TACR3: variants seen among roughly 807,000 people sequenced by gnomAD.
TACR3 encodes the protein neuromedin-K receptor.
A neutral mutation model predicts 35.0 loss-of-function variants in TACR3; 34 were observed. The observed-to-expected ratio is 0.97, with a 90% CI of 0.74 to 1.30. TACR3 has a LOEUF of 1.30. Among genes scored for constraint, TACR3 ranks in the 50% most tolerant of loss-of-function variants. TACR3 has a pLI of 0.00. For missense variants in TACR3, 558 were observed against 591.7 expected (o/e 0.94, Z 0.59); for synonymous variants, 233 against 221.1 (o/e 1.05, Z -0.48).
intron 3 of TACR3, among the ~76,000 whole-genome samples, chr4:103,629,862 A>AAAAAAAAAAAAAAAAAAAAAAC (rs1725011576): frequency 3.6e-5 from 4 of 111,550 alleles, no homozygotes; most frequent in South Asian, 2.8e-4. Flanking sequence ...AAAAAAAAAC[A>AAAAAAAAAAAAAAAAAAAAAAC]AAAAAAAAAC....
intron 1 of TACR3, among the ~76,000 whole-genome samples, chr4:103,705,601 C>T (rs1305381999): frequency 1.3e-5 from 2 of 152,038 alleles, no homozygotes; most frequent in Non-Finnish European, 2.9e-5. Flanking sequence ...TTGTCATGTG[C>T]TATGGGAATC....
intron 1 of TACR3, among the ~76,000 whole-genome samples, chr4:103,688,838 T>G (rs917038734): frequency 2.0e-5 from 3 of 152,192 alleles, no homozygotes; most frequent in African/African-American, 7.2e-5. Flanking sequence ...GAAGGCAGTG[T>G]GGCGATTCCT....
intron 1 of TACR3, among the ~76,000 whole-genome samples, chr4:103,689,834 A>T (rs937470067): frequency 1.4e-4 from 21 of 152,178 alleles, no homozygotes; most frequent in Middle Eastern, 3.2e-3. Context: ...ATCCACAAAT[A>T]TCAAAAGCTC....
intron 3 of TACR3, among the ~76,000 whole-genome samples, chr4:103,594,679 A>G (rs1328833166): frequency 6.6e-6 from 1 of 152,198 alleles, no homozygotes; most frequent in East Asian, 1.9e-4. Context: ...TTTTAGATAA[A>G]TTTCAATTTT....
chr4:103,601,987 A>C (rs1022727764), intron 3 of TACR3, among the ~76,000 whole-genome samples: 1 of 152,188 alleles, frequency 6.6e-6, no homozygotes, highest in African/African-American at 2.4e-5. Flanking sequence ...GTGTTTTCCA[A>C]CTTGGTTCCA....
At chr4:103,648,432 A>G (rs1725505462) in intron 3 of TACR3, among the ~76,000 whole-genome samples, 1 of 147,066 alleles carries the variant, frequency 6.8e-6, no homozygotes, top group African/African-American at 2.5e-5. Context: ...CTTCACCCCT[A>G]CTTTCCCACT....
In TACR3 at chr4:103,591,353, C is replaced by CTTTAT. The variant is rs574841564; in HGVS notation, c.1085+133_1085+134insATAAA. 1.6e-4 allele frequency: 154 copies of CTTTAT among 979,600 alleles called. No homozygotes were observed. The African/African-American group carries it at 2.1e-3, about 13-fold the overall frequency. 60.7% of individuals were successfully genotyped at this position (979,600 alleles called of 1,614,324 possible). A position where few individuals can be genotyped will look rare whatever the true frequency, so the allele number is the denominator to read the frequency against. ...GGGGTCTTGAAAGATAAAGCCTGTG[C>CTTTAT]CTCTCTCAGTGAATTCTTAAATTTT... On this transcript the variant is annotated intron_variant, in intron 4 of 4. Transcript: ENST00000304883.
intron 1 of TACR3, among the ~76,000 whole-genome samples, chr4:103,703,236 A>G (rs115204606): frequency 0.013 from 1,927 of 152,300 alleles, 42 homozygotes; most frequent in African/African-American, 0.044. Flanking sequence ...GGTAAAATAT[A>G]TATAACATAA....
chr4:103,677,971 A>G (rs72947152), intron 1 of TACR3, among the ~76,000 whole-genome samples: 113 of 152,246 alleles, frequency 7.4e-4, no homozygotes, highest in African/African-American at 2.7e-3. Context: ...ATGAGGATTA[A>G]ATAAAACTTT....
intron 1 of TACR3, among the ~76,000 whole-genome samples, chr4:103,671,122 G>A (rs1276534471): frequency 6.6e-6 from 1 of 151,922 alleles, no homozygotes; most frequent in Non-Finnish European, 1.5e-5. Flanking sequence ...TTATGGATTT[G>A]ATGTGAATCT....
intron 3 of TACR3, among the ~76,000 whole-genome samples, chr4:103,651,249 T>G (rs1241698995): frequency 6.6e-6 from 1 of 151,216 alleles, no homozygotes; most frequent in East Asian, 2.0e-4. Flanking sequence ...TCAAAAACCT[T>G]AGAAGTCTAC....
intron 3 of TACR3, among the ~76,000 whole-genome samples, chr4:103,635,898 T>C (rs1355870770): frequency 6.6e-6 from 1 of 151,962 alleles, no homozygotes; most frequent in Non-Finnish European, 1.5e-5. Flanking sequence ...CTTTCCATTG[T>C]ATTGTAAACT....
intron 3 of TACR3, among the ~76,000 whole-genome samples, chr4:103,592,906 G>A (rs1723925569): frequency 1.3e-5 from 2 of 152,116 alleles, no homozygotes; most frequent in Non-Finnish European, 2.9e-5. Flanking sequence ...CCAAATCACT[G>A]TACCATCCAG....
chr4:103,705,294 C>A (rs900302168), intron 1 of TACR3, among the ~76,000 whole-genome samples: 1 of 151,836 alleles, frequency 6.6e-6, no homozygotes, highest in Admixed American at 6.6e-5. Flanking sequence ...TGTAAAAATG[C>A]CTGTTTCATT....
intron 1 of TACR3, among the ~76,000 whole-genome samples, chr4:103,706,714 T>C (rs932042689): frequency 1.3e-5 from 2 of 152,194 alleles, no homozygotes; most frequent in African/African-American, 4.8e-5. Flanking sequence ...AATTTAACTT[T>C]CTAATACTTA....
intron 1 of TACR3, among the ~76,000 whole-genome samples, chr4:103,675,475 A>G (rs1726148435): frequency 6.6e-6 from 1 of 152,216 alleles, no homozygotes; most frequent in African/African-American, 2.4e-5. Context: ...CAAACTGAAG[A>G]GAGTTTAATG....
chr4:103,698,537 T>TTTTCTTTTC (rs1722577723), intron 1 of TACR3, among the ~76,000 whole-genome samples: 1 of 84,142 alleles, frequency 1.2e-5, no homozygotes, highest in African/African-American at 3.1e-4. Flanking sequence ...GGATATTTTC[T>TTTTCTTTTC]TTTCTTTTTT....
chr4:103,680,139 C>T (rs1224623486), intron 1 of TACR3, among the ~76,000 whole-genome samples: 1 of 151,384 alleles, frequency 6.6e-6, no homozygotes, highest in Admixed American at 6.6e-5. Context: ...AGGGTTTCAT[C>T]ACCCATTTGA....
intron 3 of TACR3, among the ~76,000 whole-genome samples, chr4:103,612,610 G>A (rs1019554328): frequency 1.3e-4 from 20 of 152,074 alleles, no homozygotes; most frequent in African/African-American, 4.8e-4. Context: ...CCTGGTTCAA[G>A]TGATTCTTGT....
Sources: gnomAD v4.1 joint callset for allele counts (sites outside exome capture counted in the v4.1 genomes callset) on GRCh38, gnomAD v4.1.1 for gene constraint, MANE v1.5 for transcripts, NCBI Gene and HGNC (gene_info 2026-07-23, HGNC 2026-07-21) for gene names.